Variants in ZMYM6 observed in about 807,000 individuals in gnomAD.
ZMYM6 encodes the protein zinc finger MYM-type containing 6.
ZMYM6 carries 90 observed loss-of-function variants against 134.0 expected under a neutral mutation model. The observed-to-expected ratio is 0.67, with a 90% CI of 0.57 to 0.80. The LOEUF (loss-of-function observed/expected upper bound fraction) is 0.80, where lower values mean the gene tolerates loss of function less well. Among genes scored for constraint, ZMYM6 ranks in the 30% least tolerant of loss-of-function variants. ZMYM6 has a pLI of 0.00. For missense variants in ZMYM6, 1,362 were observed against 1,533.9 expected (o/e 0.89, Z 1.87); for synonymous variants, 481 against 524.1 (o/e 0.92, Z 1.12).
rs541138723 is a variant in ZMYM6, at chr1:35,008,711, C to T, written c.1665+41G>A. 4.4e-6 allele frequency: 7 copies of T among 1,579,254 alleles called. No individual in the cohort carries two copies. In the Admixed American group the frequency reaches 1.3e-4, roughly 29 times the overall value. On this transcript the variant is annotated intron_variant, in intron 11 of 15. Transcript: ENST00000357182. Reference sequence around the variant, plus strand: ...ACATTTTAAATAAAAACAATTTGCACTGATTTCAGAAAGCCAAAAAAAGTA... The same window carrying T: ...ACATTTTAAATAAAAACAATTTGCATTGATTTCAGAAAGCCAAAAAAAGTA...
At chr1:35,002,859 T>C (rs374128788) in intron 14 of ZMYM6, among the ~76,000 whole-genome samples, 1 of 152,162 alleles carries the variant, frequency 6.6e-6, no homozygotes, top group African/African-American at 2.4e-5. Flanking sequence ...GTTTTAATTA[T>C]ATCAAGAGCA....
In ZMYM6 at chr1:34,988,068, G is replaced by T. The variant is rs765967260; in HGVS notation, c.3014C>A (p.Ala1005Glu). 4.5e-6 allele frequency: 7 copies of T among 1,551,340 alleles called. No homozygotes were observed. The highest frequency in any genetic ancestry group is 5.2e-6 in the Non-Finnish European group (6 of 1,146,982). Residue 1005 changes from alanine (A) to glutamate (E), a missense_variant, in exon 16 of 16, where the codon GCG becomes GAG. Ala to Glu is a moderately radical substitution (Grantham distance 107, BLOSUM62 -1). This residue lies in a region of ZMYM6 where 824 missense variants were observed against 940.9 expected (regional missense o/e 0.88). Coordinates refer to ENST00000357182, the MANE Select transcript of ZMYM6 (RefSeq NM_007167.4). Reference sequence around the variant, plus strand: ...GTGAATAAAACAATGTGTAAATGCCGCTGTATTCATGGCAACTTCTTGAAT... The same window carrying T: ...GTGAATAAAACAATGTGTAAATGCCTCTGTATTCATGGCAACTTCTTGAAT... ...AKIQEVAMNT[A>E]AFTHCFIHRE...
intron 2 of ZMYM6, among the ~76,000 whole-genome samples, chr1:35,025,343 T>C (rs982723823): frequency 2.0e-5 from 3 of 151,314 alleles, no homozygotes; most frequent in African/African-American, 7.3e-5. Context: ...GGTGGGCACC[T>C]GTAATCCCAG....
chr1:35,007,124 AG>A (rs1640996007), intron 11 of ZMYM6, 26 bp from the exon 12 acceptor site: 2 of 1,586,358 alleles, frequency 1.3e-6, no homozygotes, highest in Non-Finnish European at 1.7e-6. Context: ...TAGACAAGAT[AG>A]GCTTAAAACT....
intron 10 of ZMYM6, 61 bp downstream of exon 10, chr1:35,010,385 TG>T: frequency 6.5e-7 from 1 of 1,545,078 alleles, no homozygotes; most frequent in Non-Finnish European, 8.7e-7. Flanking sequence ...ATGGCTTAAT[TG>T]CCCAAGTCGT....
intron 2 of ZMYM6, among the ~76,000 whole-genome samples, chr1:35,025,505 G>A (rs1207591103): frequency 3.3e-5 from 5 of 149,296 alleles, no homozygotes; most frequent in Admixed American, 6.7e-5. Flanking sequence ...AAAAAAAAAG[G>A]TGGCACAAAG....
intron 2 of ZMYM6, among the ~76,000 whole-genome samples, chr1:35,021,127 T>G (rs1641302112): frequency 6.6e-6 from 1 of 151,068 alleles, no homozygotes; most frequent in African/African-American, 2.4e-5. Flanking sequence ...AATTTTTTTT[T>G]TTTTTTGACA....
In ZMYM6 at chr1:34,988,509, ACT is replaced by A. The variant is rs1173299875; in HGVS notation, c.2571_2572del (p.Leu857PhefsTer23). On this transcript the variant is annotated frameshift_variant, in exon 16 of 16. Transcript: ENST00000357182. LOFTEE classifies it high-confidence loss of function. ...ACCCAAAACTTCTGAACACATTTCTACTAAATATGGTTTAATTAATTCTTCAG... is the reference window on the plus strand; with the variant it reads ...ACCCAAAACTTCTGAACACATTTCTAAAATATGGTTTAATTAATTCTTCAG... 6.4e-7 allele frequency: 1 copy of A among 1,550,990 alleles called. No homozygotes were observed. Among genetic ancestry groups the A allele is most frequent in the South Asian group, 1.2e-5 (1 of 83,808 alleles).
chr1:35,021,369 T>C (rs1163995223), intron 2 of ZMYM6, among the ~76,000 whole-genome samples: 2 of 152,000 alleles, frequency 1.3e-5, no homozygotes, highest in African/African-American at 2.4e-5. Context: ...GGTCTGGAAC[T>C]CCTGACCTCA....
At position 35,015,153 on chromosome 1, in the gene ZMYM6, T is replaced by C. The variant is rs762503764; in HGVS notation, c.438A>G (p.Leu146=). ...KTCTNCSKDI[L]NPKDVITTRF... is the part of the protein sequence containing the mutation. ...GAGTTGTGATCACATCCTTAGGATT[T>C]AAAATGTCTCTAAAAATAAATAACA... The change falls in exon 5 of 16, where the codon TTA becomes TTG. Residue 146 remains leucine, a synonymous_variant. Transcript: ENST00000357182. 4 of 1,589,542 alleles carry C rather than the reference T, an allele frequency of 2.5e-6. No individual in the cohort carries two copies. Among genetic ancestry groups the C allele is most frequent in the Non-Finnish European group, 3.4e-6 (4 of 1,173,142 alleles).
chr1:35,010,755 T>G lies in ZMYM6; in HGVS notation c.1341+3A>C, dbSNP rs772036475. The G allele has an allele frequency of 6.4e-7, 1 of 1,554,264 alleles. No homozygotes were observed. The highest frequency in any genetic ancestry group is 8.7e-7 in the Non-Finnish European group (1 of 1,155,684). On this transcript the variant is annotated splice_donor_region_variant and intron_variant, in intron 9 of 15. Coordinates refer to ENST00000357182, the MANE Select transcript of ZMYM6 (RefSeq NM_007167.4). The stretch of plus-strand genomic sequence containing the variant: ...TACAATCCCTTTCATGATCTCTCTT[T>G]ACCTTGTAAAAAAGAAGTTCTGGTT...
chr1:35,019,242 T>C (rs762439352), intron 4 of ZMYM6, 111 bp downstream of exon 4: 2 of 1,461,410 alleles, frequency 1.4e-6, no homozygotes, highest in East Asian at 2.3e-5. Flanking sequence ...TAAAAAGTTA[T>C]TTCTACAGAT....
intron 14 of ZMYM6, among the ~76,000 whole-genome samples, chr1:34,995,093 G>GT (rs1458949540): frequency 7.7e-6 from 1 of 129,770 alleles, no homozygotes; most frequent in Non-Finnish European, 1.6e-5. Flanking sequence ...ACGTATATAT[G>GT]TATGTATATA....
chr1:35,031,071 A>T (rs554837870), intron 1 of ZMYM6, among the ~76,000 whole-genome samples: 102 of 152,354 alleles, frequency 6.7e-4, no homozygotes, highest in Non-Finnish European at 1.0e-3. Context: ...CATAAGAATC[A>T]GTACTTAGAG....
rs1640921066 is a variant in ZMYM6 at position 35,003,970 on chromosome 1, C to A, written c.1990G>T (p.Asp664Tyr). ...VTKEAAKIIQ[D>Y]ESTQEDAMKF... ...AAAGTATTAACAATTAAACTCACAT[C>A]TTGAATGATCTTTGCTGCCTCTTTA... The change falls in exon 14 of 16, where the codon GAT becomes TAT. Residue 664 changes from aspartate to tyrosine, a missense_variant and splice_region_variant. Asp to Tyr is a radical substitution (Grantham distance 160). This residue lies in a region of ZMYM6 where 824 missense variants were observed against 940.9 expected (regional missense o/e 0.88). Coordinates refer to ENST00000357182, the MANE Select transcript of ZMYM6 (RefSeq NM_007167.4). 3 of 1,612,184 alleles carry A rather than the reference C, an allele frequency of 1.9e-6. No individual in the cohort carries two copies. Among genetic ancestry groups the A allele is most frequent in the Non-Finnish European group, 2.5e-6 (3 of 1,178,734 alleles).
chr1:35,019,156 G>C, intron 4 of ZMYM6, 197 bp downstream of exon 4: 1 of 728,122 alleles, frequency 1.4e-6, no homozygotes, highest in Non-Finnish European at 2.2e-6. Flanking sequence ...TAGAAAACTG[G>C]TTTAGGCAAT....
In ZMYM6 at chr1:34,987,238, A is replaced by G. The variant is rs1400779050; in HGVS notation, c.3844T>C (p.Tyr1282His). The change falls in exon 16 of 16, where the codon TAT becomes CAT. Residue 1282 changes from tyrosine (Y) to histidine (H), a missense_variant. Tyr to His is a moderately conservative substitution (Grantham distance 83, BLOSUM62 2). Coordinates refer to ENST00000357182, the MANE Select transcript of ZMYM6 (RefSeq NM_007167.4). ...GCTGAAAAGGCAGCATCACATAAAT[A>G]AACAGTTGAAAAGGGTAATAAAAAT... ...MKFLLPFSTV[Y>H]LCDAAFSALT... 3.1e-6 allele frequency: 5 copies of G among 1,613,730 alleles called. No individual in the cohort carries two copies. The highest frequency in any genetic ancestry group is 4.2e-6 in the Non-Finnish European group (5 of 1,179,920).
At chr1:35,010,695 A>G in intron 9 of ZMYM6, 63 bp downstream of exon 9, 1 of 1,539,324 alleles carries the variant, frequency 6.5e-7, no homozygotes, top group Non-Finnish European at 8.7e-7. Context: ...ATCAAAATTG[A>G]AAACACAAAA....
In ZMYM6 at chr1:35,029,626, ACT is replaced by A. The variant is rs540643461; in HGVS notation, c.93+919_93+920del. 4.9e-4 allele frequency among the ~76,000 whole-genome samples: 75 copies of A among 152,150 alleles called. 1 individual carries two copies. In the South Asian group the frequency reaches 0.015, roughly 29 times the overall value. On this transcript the variant is annotated intron_variant, in intron 2 of 15. Transcript: ENST00000357182. Reference sequence around the variant, plus strand: ...TTCATACCTTTTCTGTTCCAGGCTCACTGTTCCTGCAGGTCTTAAAAAGAACC... The same window carrying A: ...TTCATACCTTTTCTGTTCCAGGCTCAGTTCCTGCAGGTCTTAAAAAGAACC...
Sources: allele counts gnomAD v4.1 joint callset (sites outside exome capture counted in the v4.1 genomes callset), GRCh38; gene constraint gnomAD v4.1.1; regional missense constraint gnomAD v4.1.1; transcripts MANE v1.5; gene names NCBI Gene and HGNC (gene_info 2026-07-23, HGNC 2026-07-21).